Variants in NRXN3 observed in about 807,000 individuals in gnomAD.
NRXN3 encodes the protein neurexin III.
In NRXN3, 32 loss-of-function variants were observed where a neutral mutation model predicts 137.6. That is an observed-to-expected ratio of 0.23 (90% confidence interval 0.18 to 0.31). NRXN3 has a LOEUF of 0.31. NRXN3 is among the 10% of genes least tolerant of loss of function. The probability of loss-of-function intolerance (pLI) is 1.00; values close to 1 mark genes in which losing one functional copy is unlikely to be tolerated. For synonymous variants in NRXN3, 798 were observed against 784.5 expected (o/e 1.02, Z -0.29); for missense variants, 1,574 against 2,062.5 (o/e 0.76, Z 4.59).
At chr14:78,925,982 A>G (rs1436058991) in intron 10 of NRXN3, among the ~76,000 whole-genome samples, 1 of 152,248 alleles carries the variant, frequency 6.6e-6, no homozygotes, top group African/African-American at 2.4e-5. Flanking sequence ...ACTATTCAAT[A>G]AACATAAAAA....
At chr14:78,470,133 T>C (rs2095230361) in intron 4 of NRXN3, among the ~76,000 whole-genome samples, 1 of 152,228 alleles carries the variant, frequency 6.6e-6, no homozygotes, top group Non-Finnish European at 1.5e-5. Flanking sequence ...ATAAGCCTCA[T>C]CTATTTTGGA....
At chr14:79,606,167 T>A (rs2098012546) in intron 16 of NRXN3, among the ~76,000 whole-genome samples, 1 of 152,226 alleles carries the variant, frequency 6.6e-6, no homozygotes, top group Admixed American at 6.5e-5. Flanking sequence ...TGATGAAATG[T>A]GCAGCCGGTC....
chr14:79,516,051 T>A (rs1487115549), intron 16 of NRXN3, among the ~76,000 whole-genome samples: 2 of 152,160 alleles, frequency 1.3e-5, no homozygotes, highest in East Asian at 3.9e-4. Context: ...AAGAGAGACT[T>A]ATTTGAATTT....
chr14:78,819,419 T>A (rs962927366), intron 10 of NRXN3, among the ~76,000 whole-genome samples: 8 of 152,158 alleles, frequency 5.3e-5, no homozygotes, highest in Admixed American at 2.6e-4. Context: ...TTGCATAGCA[T>A]GTACATTGTG....
At chr14:79,636,064 C>CT (rs2098401370) in intron 16 of NRXN3, among the ~76,000 whole-genome samples, 1 of 152,158 alleles carries the variant, frequency 6.6e-6, no homozygotes. Flanking sequence ...ACATCACTGT[C>CT]TGTCTTCACA....
At chr14:79,120,765 G>A (rs1024710813) in intron 15 of NRXN3, among the ~76,000 whole-genome samples, 16 of 152,032 alleles carry the variant, frequency 1.1e-4, no homozygotes, top group East Asian at 1.9e-4. Flanking sequence ...TAAAGAAACC[G>A]TTCCAGCAGG....
chr14:78,320,169 G>A (rs567388464), intron 4 of NRXN3, among the ~76,000 whole-genome samples: 2 of 152,330 alleles, frequency 1.3e-5, no homozygotes, highest in African/African-American at 4.8e-5. Context: ...AGGTTAAAGT[G>A]TGTGTCTTTG....
At chr14:79,362,958 TGATA>T (rs1292895163) in intron 15 of NRXN3, among the ~76,000 whole-genome samples, 2 of 152,054 alleles carry the variant, frequency 1.3e-5, no homozygotes, top group Non-Finnish European at 2.9e-5. Context: ...CAGATGCATG[TGATA>T]GATAGAAATG....
chr14:78,590,706 G>A (rs1472830320), intron 4 of NRXN3, among the ~76,000 whole-genome samples: 1 of 152,182 alleles, frequency 6.6e-6, no homozygotes, highest in Non-Finnish European at 1.5e-5. Context: ...TTGAGATCAG[G>A]AGTTCAAGAC....
chr14:78,489,109 A>G (rs2095618265), intron 4 of NRXN3, among the ~76,000 whole-genome samples: 2 of 152,164 alleles, frequency 1.3e-5, no homozygotes, highest in Non-Finnish European at 2.9e-5. Context: ...TTTGGTGTGG[A>G]TAGCTGAGAA....
intron 2 of NRXN3, among the ~76,000 whole-genome samples, chr14:78,271,338 C>A (rs1395815318): frequency 6.6e-6 from 1 of 152,092 alleles, no homozygotes; most frequent in Non-Finnish European, 1.5e-5. Context: ...GGCTTTACTA[C>A]CATTATTCCT....
intron 4 of NRXN3, among the ~76,000 whole-genome samples, chr14:78,423,754 C>T (rs1198074487): frequency 6.6e-6 from 1 of 152,172 alleles, no homozygotes; most frequent in East Asian, 1.9e-4. Context: ...AGTAATTGTA[C>T]CAATAATGCA....
intron 10 of NRXN3, among the ~76,000 whole-genome samples, chr14:78,948,395 G>A (rs1006971145): frequency 2.6e-5 from 4 of 152,082 alleles, no homozygotes; most frequent in Admixed American, 2.6e-4. Flanking sequence ...GCTCTTTCTT[G>A]CAGGCAGGGC....
chr14:79,533,293 A>C (rs1205017139), intron 16 of NRXN3, among the ~76,000 whole-genome samples: 1 of 152,298 alleles, frequency 6.6e-6, no homozygotes, highest in East Asian at 1.9e-4. Context: ...CTGGGCTCTT[A>C]AACAGTGGAG....
intron 20 of NRXN3, among the ~76,000 whole-genome samples, chr14:79,835,818 C>T (rs569838175): frequency 3.2e-4 from 49 of 152,160 alleles, no homozygotes; most frequent in Non-Finnish European, 5.0e-4. Flanking sequence ...AAACACTAAA[C>T]CACATCCCTG....
At chr14:79,377,316 A>G (rs781096515) in intron 15 of NRXN3, among the ~76,000 whole-genome samples, 1 of 152,242 alleles carries the variant, frequency 6.6e-6, no homozygotes, top group Non-Finnish European at 1.5e-5. Context: ...TTGAGAAAGT[A>G]CAACCCCTGG....
At chr14:79,096,770 C>T (rs1427519730) in intron 15 of NRXN3, among the ~76,000 whole-genome samples, 1 of 152,078 alleles carries the variant, frequency 6.6e-6, no homozygotes, top group Non-Finnish European at 1.5e-5. Flanking sequence ...TCCCAATCAC[C>T]CTTCTTGCTT....
intron 16 of NRXN3, among the ~76,000 whole-genome samples, chr14:79,656,027 T>TG (rs2098503842): frequency 3.3e-5 from 5 of 152,174 alleles, no homozygotes; most frequent in Admixed American, 1.3e-4. Context: ...ATACTGCTGC[T>TG]GGGGGTCTTA....
rs572017132 is a variant in NRXN3, at chr14:79,113,951, C to T, written c.3262+125810C>T. Reference sequence around the variant, plus strand: ...TGTCCACGCTGCTAGTCTGGGGGATCACAAATCAAGAGCCATGCCTTGATT... The same window carrying T: ...TGTCCACGCTGCTAGTCTGGGGGATTACAAATCAAGAGCCATGCCTTGATT... On this transcript the variant is annotated intron_variant, in intron 15 of 20. Transcript: ENST00000335750. Among the ~76,000 whole-genome samples the T allele has an allele frequency of 4.6e-5, 7 of 152,320 alleles. 1 individual carries two copies. Among genetic ancestry groups the T allele is most frequent in the African/African-American group, 1.7e-4 (7 of 41,568 alleles).
Sources: allele counts gnomAD v4.1 joint callset (sites outside exome capture counted in the v4.1 genomes callset), GRCh38; gene constraint gnomAD v4.1.1; transcripts MANE v1.5; gene names NCBI Gene and HGNC (gene_info 2026-07-23, HGNC 2026-07-21).